Variants in GLYR1 observed in about 807,000 individuals in gnomAD.
GLYR1 encodes the protein cytokine-like nuclear factor N-PAC.
Under a neutral mutation model 72.7 loss-of-function variants are expected in GLYR1, and 21 were observed. The observed-to-expected ratio is 0.29, with a 90% confidence interval of 0.20 to 0.42. The LOEUF is 0.42. Ranked by LOEUF, GLYR1 falls within the 10% of genes least tolerant of loss-of-function variation. GLYR1 has a pLI of 1.00. For missense variants in GLYR1, 594 were observed against 712.1 expected, an observed-to-expected ratio of 0.83 and a Z score of 1.89; for synonymous variants, 392 against 270.2, an observed-to-expected ratio of 1.45 and a Z score of -4.42.
intron 3 of GLYR1, chr16:4,843,737 C>G (rs757068224): frequency 2.2e-6 from 2 of 898,428 alleles, no homozygotes; most frequent in Non-Finnish European, 3.0e-6. Context: ...AAGCCACAGA[C>G]ATTTTTTTCA....
intron 9 of GLYR1, chr16:4,817,933 C>G: frequency 2.1e-6 from 1 of 487,574 alleles, no homozygotes; most frequent in Non-Finnish European, 3.7e-6. Flanking sequence ...AAACCCCTGA[C>G]TGTCACAGAA....
chr16:4,818,499 T>C (rs2083795799), intron 9 of GLYR1, among the ~76,000 whole-genome samples: 2 of 151,600 alleles, frequency 1.3e-5, no homozygotes, highest in African/African-American at 2.4e-5. Context: ...CCCAGGCTGG[T>C]CTTGGACTCC....
At chr16:4,830,172 G>C (rs1041307305) in intron 5 of GLYR1, among the ~76,000 whole-genome samples, 6 of 147,474 alleles carry the variant, frequency 4.1e-5, no homozygotes, top group African/African-American at 1.5e-4. Context: ...CTCAGCCTCC[G>C]AAAATGCTGG....
intron 9 of GLYR1, among the ~76,000 whole-genome samples, chr16:4,818,151 T>C (rs1297892006): frequency 6.6e-6 from 1 of 152,168 alleles, no homozygotes; most frequent in Non-Finnish European, 1.5e-5. Flanking sequence ...CACGCCACCA[T>C]GCCCAGCTAA....
At chr16:4,810,551 G>A (rs4786552) in intron 15 of GLYR1, among the ~76,000 whole-genome samples, 9,087 of 150,474 alleles carry the variant, frequency 0.06, 402 homozygotes, top group Non-Finnish European at 0.092. Flanking sequence ...ACTAAGTAGA[G>A]GGAAGGAAAC....
rs368680757 is a variant in GLYR1 at position 4,811,210 on chromosome 16, G to A, written c.1547C>T (p.Ala516Val). 1.8e-5 allele frequency: 29 copies of A among 1,613,838 alleles called. 1 individual carries two copies. Among genetic ancestry groups the A allele is most frequent in the Non-Finnish European group, 2.3e-5 (27 of 1,179,972 alleles). The change falls in exon 15 of 16, where the codon GCG (alanine) becomes GTG (valine). Residue 516 changes from alanine to valine, a missense_variant. By Grantham distance (64) the Ala-to-Val change is moderately conservative (BLOSUM62 0). Coordinates refer to ENST00000321919, the MANE Select transcript of GLYR1 (RefSeq NM_032569.4). ...TGCCATGGGAGTCGGATGGTTGACC[G>A]CATCACCCAGCGCAATGGCTAAGCG... is the stretch of plus-strand genomic sequence containing the variant. ...DLRLAIALGDAVNHPTPMAAA... is the reference protein window; with the variant it reads ...DLRLAIALGDVVNHPTPMAAA...
intron 3 of GLYR1, among the ~76,000 whole-genome samples, chr16:4,836,124 T>C (rs561533946): frequency 3.0e-4 from 45 of 152,134 alleles, no homozygotes; most frequent in African/African-American, 4.6e-4. Flanking sequence ...AATGAGAATA[T>C]GCTTTTCAGT....
At chr16:4,812,448 C>A (rs2083372095) in intron 12 of GLYR1, among the ~76,000 whole-genome samples, 200 bp from the exon 13 acceptor site, 1 of 152,042 alleles carries the variant, frequency 6.6e-6, no homozygotes, top group South Asian at 2.1e-4. Flanking sequence ...CGAATCACAG[C>A]AGTGATGAGA....
chr16:4,818,712 T>C (rs960339275), intron 9 of GLYR1, among the ~76,000 whole-genome samples: 1 of 152,188 alleles, frequency 6.6e-6, no homozygotes, highest in African/African-American at 2.4e-5. Flanking sequence ...ACTTCAATTC[T>C]CTACCCACAC....
chr16:4,817,093 G>A (rs1345115051), intron 10 of GLYR1, among the ~76,000 whole-genome samples: 2 of 151,382 alleles, frequency 1.3e-5, no homozygotes, highest in Admixed American at 6.6e-5. Context: ...ACAGGTGAAC[G>A]CCACCATACC....
chr16:4,838,297 G>C (rs189232980), intron 3 of GLYR1, among the ~76,000 whole-genome samples: 2 of 152,262 alleles, frequency 1.3e-5, no homozygotes, highest in Admixed American at 1.3e-4. Context: ...CACATCCAGC[G>C]AGACCGGTCC....
intron 10 of GLYR1, among the ~76,000 whole-genome samples, chr16:4,815,253 A>G (rs945007725): frequency 6.0e-5 from 9 of 150,660 alleles, no homozygotes; most frequent in Non-Finnish European, 1.0e-4. Context: ...CTATAGGTGC[A>G]TGCCCCATGT....
intron 3 of GLYR1, among the ~76,000 whole-genome samples, chr16:4,836,964 C>A (rs1018138133): frequency 1.3e-5 from 2 of 152,160 alleles, no homozygotes; most frequent in Admixed American, 6.5e-5. Flanking sequence ...GGCATAACTG[C>A]ACCTGTAACA....
In GLYR1 at chr16:4,804,987, C is replaced by T. The variant is rs569824796; in HGVS notation, c.*249G>A. 7.0e-5 allele frequency: 38 copies of T among 540,166 alleles called. No homozygotes were observed. In the East Asian group the frequency reaches 7.1e-4, roughly 10 times the overall value. The allele number at this position is 540,166 out of a possible 1,614,324, so 33.5% of individuals were successfully genotyped here. A position where few individuals can be genotyped will look rare whatever the true frequency, so the allele number is the denominator to read the frequency against. The stretch of plus-strand genomic sequence containing the variant: ...TGTGTGTGTGAACACACAGCCACCT[C>T]GTCCGGGGGGCCAGTGCCCAGCTCA... On this transcript the variant is annotated 3_prime_UTR_variant, in exon 16 of 16. Transcript: ENST00000321919.
At chr16:4,808,871 T>C (rs1375320600) in intron 15 of GLYR1, among the ~76,000 whole-genome samples, 1 of 151,738 alleles carries the variant, frequency 6.6e-6, no homozygotes, top group Non-Finnish European at 1.5e-5. Flanking sequence ...GAGGCTGAGG[T>C]GGGAGGATTG....
In GLYR1 at chr16:4,804,352, C is replaced by G. The variant is rs2141923415; in HGVS notation, c.*884G>C. 1 of 153,232 alleles carries G rather than the reference C, an allele frequency of 6.5e-6. No individual in the cohort carries two copies. Among genetic ancestry groups the G allele is most frequent in the Admixed American group, 6.5e-5 (1 of 15,296 alleles). 9.5% of individuals were successfully genotyped at this position (153,232 alleles called of 1,614,324 possible). On this transcript the variant is annotated 3_prime_UTR_variant, in exon 16 of 16. Coordinates refer to ENST00000321919, the MANE Select transcript of GLYR1 (RefSeq NM_032569.4). ...CCTAACGGAAACAGAAAGGAGCGCC[C>G]CCAACCCCCACTCCTCTTGGCTCAT... is the stretch of plus-strand genomic sequence containing the variant.
chr16:4,838,711 C>A (rs112486076), intron 3 of GLYR1, among the ~76,000 whole-genome samples: 1 of 151,864 alleles, frequency 6.6e-6, no homozygotes. Flanking sequence ...CTCAGCCACC[C>A]GAGTAGCTGG....
chr16:4,812,019 T>C (rs1157314299), intron 13 of GLYR1, 67 bp downstream of exon 13: 6 of 1,544,504 alleles, frequency 3.9e-6, no homozygotes, highest in Non-Finnish European at 5.3e-6. Flanking sequence ...GGACTGACGC[T>C]GTCATCAGTG....
intron 5 of GLYR1, among the ~76,000 whole-genome samples, chr16:4,828,738 A>G (rs1490858686): frequency 1.3e-5 from 2 of 152,062 alleles, no homozygotes; most frequent in Non-Finnish European, 2.9e-5. Context: ...TAACACAGTG[A>G]ACCTAGGAGG....
Sources: allele counts gnomAD v4.1 joint callset (sites outside exome capture counted in the v4.1 genomes callset), GRCh38; gene constraint gnomAD v4.1.1; transcripts MANE v1.5; gene names NCBI Gene and HGNC (gene_info 2026-07-23, HGNC 2026-07-21).